The following PCDHGB1 variants were observed in gnomAD, a reference collection of about 807,000 sequenced individuals.
PCDHGB1 encodes protocadherin gamma subfamily B, 1, also known as protocadherin gamma-B1.
In PCDHGB1, 34 loss-of-function variants were observed where a neutral mutation model predicts 56.6. The ratio of observed to expected loss-of-function variants is 0.60; its 90% confidence interval spans 0.46 to 0.80. The LOEUF is 0.80. PCDHGB1 is among the 30% of genes least tolerant of loss of function. PCDHGB1 has a pLI of 0.00. For missense variants in PCDHGB1, 1,278 were observed against 1,204.6 expected (o/e 1.06, Z -0.90); for synonymous variants, 561 against 505.9 (o/e 1.11, Z -1.46).
chr5:141,403,390 G>C (rs1471861396), intron 1 of PCDHGB1: 2 of 1,613,920 alleles, frequency 1.2e-6, no homozygotes, highest in Admixed American at 1.7e-5. Flanking sequence ...ACGAAATCGC[G>C]GTTCCTGGAG....
chr5:141,479,211 A>G (rs2099490342), intron 1 of PCDHGB1: 1 of 152,422 alleles, frequency 6.6e-6, no homozygotes, highest in African/African-American at 2.4e-5. Context: ...AAGTATTTAA[A>G]AAATTAAAAC....
intron 1 of PCDHGB1, chr5:141,391,966 T>A (rs1389260854): frequency 1.3e-5 from 2 of 152,162 alleles, no homozygotes; most frequent in African/African-American, 2.4e-5. Context: ...ACAATGTAAA[T>A]AAAATAGCAA....
intron 1 of PCDHGB1, chr5:141,393,188 T>C: frequency 6.2e-7 from 1 of 1,613,358 alleles, no homozygotes; most frequent in South Asian, 1.1e-5. Context: ...AAATAATTGA[T>C]ATTAACGATA....
At chr5:141,421,974 C>T in intron 1 of PCDHGB1, 3 of 1,609,644 alleles carry the variant, frequency 1.9e-6, no homozygotes, top group African/African-American at 1.3e-5. Flanking sequence ...CCGTATATCG[C>T]GTGAGTGTTC....
At chr5:141,436,324 G>A (rs972756085) in intron 1 of PCDHGB1, among the ~76,000 whole-genome samples, 10 of 152,134 alleles carry the variant, frequency 6.6e-5, no homozygotes, top group African/African-American at 2.4e-4. Flanking sequence ...AAGACTGTTA[G>A]ACCATATCTC....
chr5:141,464,640 C>T (rs1482089475), intron 1 of PCDHGB1, among the ~76,000 whole-genome samples: 2 of 151,952 alleles, frequency 1.3e-5, no homozygotes, highest in Admixed American at 6.6e-5. Context: ...TTGTTGCCAA[C>T]CTGATGGGTA....
chr5:141,372,646 C>G (rs1768939732), intron 1 of PCDHGB1: 1 of 1,614,008 alleles, frequency 6.2e-7, no homozygotes, highest in Non-Finnish European at 8.5e-7. Context: ...TTGCCTTATT[C>G]CTACAATCCG....
At chr5:141,499,029 A>AAGGAAGGAAGGAAGG (rs1562187768) in intron 2 of PCDHGB1, among the ~76,000 whole-genome samples, 10 of 139,968 alleles carry the variant, frequency 7.1e-5, no homozygotes, top group African/African-American at 2.8e-4. Context: ...AGGAAGGAAG[A>AAGGAAGGAAGGAAGG]AAAGAAAGAA....
chr5:141,357,649 C>T (rs766421079), intron 1 of PCDHGB1: 1 of 1,609,184 alleles, frequency 6.2e-7, no homozygotes, highest in South Asian at 1.1e-5. Flanking sequence ...TAGATCATAC[C>T]ACACTGAAAT....
At chr5:141,369,244 TTAAA>T (rs1159204045) in intron 1 of PCDHGB1, among the ~76,000 whole-genome samples, 2 of 152,116 alleles carry the variant, frequency 1.3e-5, no homozygotes, top group Admixed American at 1.3e-4. Flanking sequence ...ACTTATATAA[TTAAA>T]TAATATAATT....
intron 1 of PCDHGB1, chr5:141,403,630 G>A (rs2094436948): frequency 3.1e-6 from 5 of 1,613,786 alleles, no homozygotes; most frequent in Middle Eastern, 3.3e-4. Flanking sequence ...CCAGCACAGT[G>A]CGCATCCATG....
Position 141,350,349 on chromosome 5 carries a change from A to G in PCDHGB1, c.89A>G (p.Gln30Arg). 6.4e-7 allele frequency: 1 copy of G among 1,559,220 alleles called. No homozygotes were observed. The highest frequency in any genetic ancestry group is 8.7e-7 in the Non-Finnish European group (1 of 1,153,118). ...LSLFCGAISQ[Q>R]IRYTIPEELA... ...TTGTTCTGCGGGGCCATCTCCCAGC[A>G]GATCCGATACACGATTCCAGAGGAG... is the stretch of plus-strand genomic sequence containing the variant. The change falls in exon 1 of 4, where the codon CAG becomes CGG. Residue 30 changes from glutamine to arginine, a missense_variant. Gln to Arg is a conservative substitution (Grantham distance 43). Coordinates refer to ENST00000523390, the MANE Select transcript of PCDHGB1 (RefSeq NM_018922.3).
chr5:141,473,116 G>A (rs966472502), intron 1 of PCDHGB1, among the ~76,000 whole-genome samples: 19 of 152,114 alleles, frequency 1.2e-4, no homozygotes, highest in African/African-American at 4.6e-4. Context: ...ACTTTACTTG[G>A]CTCTTTGGCA....
At chr5:141,357,699 T>G in intron 1 of PCDHGB1, 1 of 1,511,918 alleles carries the variant, frequency 6.6e-7, no homozygotes, top group Non-Finnish European at 8.9e-7. Flanking sequence ...ATTTTATATG[T>G]AATATATCAA....
chr5:141,404,109 TCCAGGAGAATCTATCTTTTA>T, intron 1 of PCDHGB1: 1 of 1,613,518 alleles, frequency 6.2e-7, no homozygotes, highest in East Asian at 2.2e-5. Flanking sequence ...GTCTGTTCTA[TCCAGGAGAATCTATCTTTTA>T]CATTAGAAAA....
chr5:141,374,569 G>A, intron 1 of PCDHGB1: 2 of 1,613,666 alleles, frequency 1.2e-6, no homozygotes, highest in African/African-American at 1.3e-5. Context: ...ACCCTGATGT[G>A]GGAATGAACT....
intron 1 of PCDHGB1, chr5:141,356,549 C>G (rs1174106080): frequency 6.2e-7 from 1 of 1,614,120 alleles, no homozygotes; most frequent in Non-Finnish European, 8.5e-7. Flanking sequence ...GACAACCCAC[C>G]CACTTTCCCT....
At chr5:141,454,850 C>T (rs1208208678) in intron 1 of PCDHGB1, among the ~76,000 whole-genome samples, 3 of 132,848 alleles carry the variant, frequency 2.3e-5, no homozygotes, top group Non-Finnish European at 4.6e-5. Flanking sequence ...CTCTGTCACC[C>T]AGGCTGGAGT....
At chr5:141,405,407 CT>C (rs762612492) in intron 1 of PCDHGB1, 3 of 1,582,042 alleles carry the variant, frequency 1.9e-6, no homozygotes, top group South Asian at 1.1e-5. Context: ...TCTTTCTTTT[CT>C]TTTTTTGTTT....
Sources: gnomAD v4.1 joint callset for allele counts (sites outside exome capture counted in the v4.1 genomes callset) on GRCh38, gnomAD v4.1.1 for gene constraint, MANE v1.5 for transcripts, NCBI Gene and HGNC (gene_info 2026-07-23, HGNC 2026-07-21) for gene names.